Variants in ADARB2 observed in about 807,000 individuals in gnomAD.
ADARB2 encodes inactive double-stranded RNA-specific editase B2.
In ADARB2, 25 loss-of-function variants were observed where a neutral mutation model predicts 62.2. The ratio of observed to expected loss-of-function variants is 0.40; its 90% CI spans 0.29 to 0.56. The LOEUF (loss-of-function observed/expected upper bound fraction) is 0.56, where lower values mean the gene tolerates loss of function less well. Among genes scored for constraint, ADARB2 ranks in the 20% least tolerant of loss-of-function variants. ADARB2 has a pLI of 0.43. For missense variants in ADARB2, 1,071 were observed against 1,077.4 expected, an observed-to-expected ratio of 0.99 and a Z score of 0.08; for synonymous variants, 572 against 500.8, an observed-to-expected ratio of 1.14 and a Z score of -1.90.
chr10:1,420,849 A>G, intron 1 of ADARB2, among the ~76,000 whole-genome samples: 1 of 152,162 alleles, frequency 6.6e-6, no homozygotes, highest in East Asian at 1.9e-4. Context: ...TATGTCTTGT[A>G]AGGCATGCTT....
chr10:1,608,920 G>A (rs111455138), intron 1 of ADARB2, among the ~76,000 whole-genome samples: 110 of 152,240 alleles, frequency 7.2e-4, no homozygotes, highest in African/African-American at 2.4e-3. Context: ...GCAGGGTGCC[G>A]GATGGCCATG....
intron 3 of ADARB2, among the ~76,000 whole-genome samples, chr10:1,273,528 G>C (rs1270753644): frequency 6.6e-6 from 1 of 152,154 alleles, no homozygotes; most frequent in Non-Finnish European, 1.5e-5. Context: ...ATGGTCCTTG[G>C]TTCTCCCCTA....
chr10:1,370,301 C>T (rs1832357364), intron 2 of ADARB2, among the ~76,000 whole-genome samples: 2 of 152,112 alleles, frequency 1.3e-5, no homozygotes, highest in Non-Finnish European at 2.9e-5. Flanking sequence ...AGACACATAC[C>T]TCAAAATAAT....
At chr10:1,248,710 T>G (rs938968833) in intron 4 of ADARB2, among the ~76,000 whole-genome samples, 3 of 152,272 alleles carry the variant, frequency 2.0e-5, no homozygotes, top group African/African-American at 7.2e-5. Context: ...TAGTGGCTAT[T>G]GGTGATCTCT....
chr10:1,214,646 T>G (rs1837208688), intron 7 of ADARB2, among the ~76,000 whole-genome samples: 1 of 152,262 alleles, frequency 6.6e-6, no homozygotes, highest in Non-Finnish European at 1.5e-5. Flanking sequence ...CTGTAGGTGC[T>G]AATTTACTTC....
At chr10:1,602,866 C>T (rs1229785057) in intron 1 of ADARB2, among the ~76,000 whole-genome samples, 3 of 151,970 alleles carry the variant, frequency 2.0e-5, no homozygotes, top group African/African-American at 7.3e-5. Context: ...TACACACATA[C>T]ACATATCAAC....
intron 1 of ADARB2, among the ~76,000 whole-genome samples, chr10:1,628,860 C>T (rs570074616): frequency 2.0e-5 from 3 of 152,382 alleles, no homozygotes; most frequent in South Asian, 2.1e-4. Context: ...TCCAGGCCAG[C>T]GAATCACGGC....
intron 1 of ADARB2, among the ~76,000 whole-genome samples, chr10:1,671,838 T>C (rs1834388465): frequency 6.6e-6 from 1 of 151,804 alleles, no homozygotes; most frequent in African/African-American, 2.4e-5. Flanking sequence ...GCCCAGGAAA[T>C]CAGGAGTTAA....
intron 1 of ADARB2, among the ~76,000 whole-genome samples, chr10:1,424,465 G>A (rs569505279): frequency 1.3e-5 from 2 of 152,200 alleles, no homozygotes; most frequent in Non-Finnish European, 2.9e-5. Flanking sequence ...TCGTGGCAAA[G>A]TGTGGATTCT....
Position 1,200,043 on chromosome 10 carries a change from G to T in ADARB2, c.1787C>A (p.Ala596Glu), listed in dbSNP as rs1265453110. 1 of 1,596,720 alleles carries T rather than the reference G, an allele frequency of 6.3e-7. No individual in the cohort carries two copies. Among genetic ancestry groups the T allele is most frequent in the Non-Finnish European group, 8.5e-7 (1 of 1,176,100 alleles). The change falls in exon 8 of 10, where the codon GCA (alanine) becomes GAA (glutamate). Residue 596 changes from alanine (A) to glutamate (E), a missense_variant. By Grantham distance (107) the Ala-to-Glu change is moderately radical (BLOSUM62 -1). Transcript: ENST00000381312. ...VGSLHHTGHL[A>E]RVMSHRMEGV... ...CTCCATGCGGTGGCTCATGACGCGT[G>T]CGAGGTGGCCCGTGTGGTGCAGGCT...
At chr10:1,735,785 C>T (rs1246583044) in intron 1 of ADARB2, among the ~76,000 whole-genome samples, 1 of 152,206 alleles carries the variant, frequency 6.6e-6, no homozygotes, top group African/African-American at 2.4e-5. Flanking sequence ...GCCAATCCCT[C>T]CCAGTGGTCC....
intron 1 of ADARB2, among the ~76,000 whole-genome samples, chr10:1,521,257 C>T (rs975696378): frequency 2.0e-5 from 3 of 152,148 alleles, no homozygotes; most frequent in Non-Finnish European, 4.4e-5. Flanking sequence ...CCAGGCATCT[C>T]GGGTGACAAT....
chr10:1,207,520 C>T (rs757335281), intron 7 of ADARB2, among the ~76,000 whole-genome samples: 78 of 152,198 alleles, frequency 5.1e-4, no homozygotes, highest in South Asian at 1.5e-3. Context: ...TGGAGGAAGG[C>T]GTCAGAATTG....
chr10:1,684,659 T>G (rs775029165), intron 1 of ADARB2, among the ~76,000 whole-genome samples: 1 of 152,236 alleles, frequency 6.6e-6, no homozygotes, highest in Non-Finnish European at 1.5e-5. Flanking sequence ...CCCTTCATTT[T>G]GATTATTTTG....
At chr10:1,459,642 A>G (rs1831142336) in intron 1 of ADARB2, among the ~76,000 whole-genome samples, 1 of 152,190 alleles carries the variant, frequency 6.6e-6, no homozygotes, top group African/African-American at 2.4e-5. Flanking sequence ...CATGCCTGTA[A>G]TCCCAGGTAC....
intron 1 of ADARB2, among the ~76,000 whole-genome samples, chr10:1,720,896 C>T (rs576509992): frequency 2.3e-4 from 35 of 152,348 alleles, no homozygotes; most frequent in Middle Eastern, 3.4e-3. Flanking sequence ...CGCTGCAGTG[C>T]TTCTGTCTGG....
At chr10:1,304,293 GGTA>G (rs1831604976) in intron 3 of ADARB2, among the ~76,000 whole-genome samples, 1 of 151,666 alleles carries the variant, frequency 6.6e-6, no homozygotes, top group Non-Finnish European at 1.5e-5. Flanking sequence ...ATTACATAAT[GGTA>G]AAGGGATCAA....
chr10:1,349,512 C>A (rs1178504768), intron 3 of ADARB2, among the ~76,000 whole-genome samples: 1 of 152,192 alleles, frequency 6.6e-6, no homozygotes, highest in African/African-American at 2.4e-5. Context: ...GATCCACCTA[C>A]AACCTCGGGT....
intron 1 of ADARB2, among the ~76,000 whole-genome samples, chr10:1,664,342 G>A (rs151147133): frequency 3.9e-5 from 6 of 152,036 alleles, no homozygotes; most frequent in African/African-American, 9.7e-5. Flanking sequence ...TTGCTGAATC[G>A]TATGAACAGA....
Sources: allele counts gnomAD v4.1 joint callset (sites outside exome capture counted in the v4.1 genomes callset), GRCh38; gene constraint gnomAD v4.1.1; transcripts MANE v1.5; gene names NCBI Gene and HGNC (gene_info 2026-07-23, HGNC 2026-07-21).